The following C11orf21 variants were observed in gnomAD, a reference collection of about 807,000 sequenced individuals.
C11orf21 encodes the protein uncharacterized protein C11orf21.
Under a neutral mutation model 15.2 loss-of-function variants are expected in C11orf21, and 19 were observed. That is an observed-to-expected ratio of 1.25 (90% CI 0.87 to 1.84). C11orf21 has a LOEUF of 1.84. Among genes scored for constraint, C11orf21 ranks in the 40% most tolerant of loss-of-function variants. The pLI is 0.00. For synonymous variants in C11orf21, 62 were observed against 66.8 expected, an observed-to-expected ratio of 0.93 and a Z score of 0.35; for missense variants, 171 against 174.4, an observed-to-expected ratio of 0.98 and a Z score of 0.11.
At chr11:2,298,893 G>T (rs530798241) in intron 3 of C11orf21, among the ~76,000 whole-genome samples, 4 of 151,868 alleles carry the variant, frequency 2.6e-5, no homozygotes, top group South Asian at 2.1e-4. Context: ...AGGCTCCTTG[G>T]GGGGGGAAGC....
rs538060871 is a variant in C11orf21, at chr11:2,300,761, A to G, written c.54-148T>C. 419 of 1,550,710 alleles carry G rather than the reference A, an allele frequency of 2.7e-4. 2 individuals carry two copies. Among genetic ancestry groups the G allele is most frequent in the Admixed American group, 4.7e-4 (24 of 50,990 alleles). Reference sequence around the variant, plus strand: ...CTCCAGGGAGGTCAAGGTTGGAGAGAGACAATTCTAGGGGCGAACCAGACA... The same window carrying G: ...CTCCAGGGAGGTCAAGGTTGGAGAGGGACAATTCTAGGGGCGAACCAGACA... On this transcript the variant is annotated intron_variant, in intron 1 of 3. Transcript: ENST00000381153.
chr11:2,298,295 C>T (rs1051926270), intron 3 of C11orf21, among the ~76,000 whole-genome samples: 22 of 152,222 alleles, frequency 1.4e-4, no homozygotes, highest in African/African-American at 4.6e-4. Context: ...CGGGGTCTGG[C>T]CTGAAAGGGG....
intron 2 of C11orf21, 111 bp downstream of exon 2, chr11:2,300,409 C>T: frequency 1.4e-6 from 1 of 726,862 alleles, no homozygotes; most frequent in South Asian, 1.9e-5. Flanking sequence ...GCCACTTCCT[C>T]TTGCAGAGGG....
At chr11:2,303,084 A>G (rs1847860748), upstream of C11orf21, 8 of 784,528 alleles carry the variant, frequency 1.0e-5, no homozygotes, top group Middle Eastern at 2.9e-4. Context: ...AGAGGTGGTC[A>G]GGGGCAGGGA....
At position 2,297,032 on chromosome 11, in the gene C11orf21, C is replaced by T. The variant is rs1847540817; in HGVS notation, c.*918G>A. ...GCTGAGCCCCCACCGCACCTTCCCT[C>T]CCACCCTGGGGTCCTCAGCCTCCGC... On this transcript the variant is annotated 3_prime_UTR_variant, in exon 4 of 4. Coordinates refer to ENST00000381153, the MANE Select transcript of C11orf21 (RefSeq NM_001329958.2). The T allele has an allele frequency of 6.6e-6, 1 of 152,420 alleles. No homozygotes were observed. The highest frequency in any genetic ancestry group is 2.1e-4 in the South Asian group (1 of 4,836). 9.4% of individuals were successfully genotyped at this position (152,420 alleles called of 1,614,324 possible).
chr11:2,303,048 A>C, upstream of C11orf21: 1 of 1,222,936 alleles, frequency 8.2e-7, no homozygotes, highest in Non-Finnish European at 1.2e-6. Flanking sequence ...CACAGCCAGA[A>C]TGGTGCCAGG....
upstream of C11orf21, chr11:2,302,640 T>G: frequency 1.7e-6 from 1 of 592,850 alleles, no homozygotes; most frequent in Non-Finnish European, 3.0e-6. Context: ...GTCTACCATG[T>G]GGGGGTGCCT....
intron 2 of C11orf21, among the ~76,000 whole-genome samples, 158 bp from the exon 3 acceptor site, chr11:2,299,865 C>CACACGCATCCACGA (rs1847638811): frequency 2.8e-5 from 4 of 143,436 alleles, no homozygotes; most frequent in African/African-American, 7.4e-5. Flanking sequence ...CGCATCCATG[C>CACACGCATCCACGA]CTGCACATGC....
At chr11:2,301,442 CACG>C (rs1847741002) in intron 1 of C11orf21, 1 of 284,230 alleles carries the variant, frequency 3.5e-6, no homozygotes, top group African/African-American at 2.2e-5. Flanking sequence ...TACGTAATTA[CACG>C]GCTCGGTGTA....
upstream of C11orf21, chr11:2,302,629 C>T (rs766258112): frequency 2.6e-5 from 15 of 585,208 alleles, no homozygotes; most frequent in African/African-American, 7.5e-5. Flanking sequence ...TGCGTGTATG[C>T]GTCTACCATG....
chr11:2,303,019 C>A (rs7106334), upstream of C11orf21: 2 of 1,473,184 alleles, frequency 1.4e-6, no homozygotes, highest in Non-Finnish European at 1.9e-6. Flanking sequence ...GTGGCTGGCA[C>A]GAGCCCAGCT....
intron 2 of C11orf21, among the ~76,000 whole-genome samples, chr11:2,300,200 C>T (rs1387168951): frequency 2.0e-3 from 61 of 30,936 alleles, no homozygotes; most frequent in African/African-American, 8.2e-3. Flanking sequence ...TGGGCAGGGG[C>T]GTGTGGGGTG....
In C11orf21 at chr11:2,299,709, T is replaced by C; in HGVS notation, c.148-2A>G. On this transcript the variant is annotated splice_acceptor_variant, in intron 2 of 3. Transcript: ENST00000381153. LOFTEE classifies it high-confidence loss of function. ...TGGCATCATTGAGCCAGGGGCCTCC[T>C]GGTGGGTAAGGACATTGTAGAGTGA... 1 of 1,550,808 alleles carries C rather than the reference T, an allele frequency of 6.4e-7. No individual in the cohort carries two copies. Among genetic ancestry groups the C allele is most frequent in the South Asian group, 1.2e-5 (1 of 84,050 alleles).
At position 2,299,707 on chromosome 11, in the gene C11orf21, C is replaced by T. The variant is rs749697230; in HGVS notation, c.148G>A (p.Glu50Lys). The T allele has an allele frequency of 1.5e-4, 235 of 1,550,786 alleles. No homozygotes were observed. Among genetic ancestry groups the T allele is most frequent in the Non-Finnish European group, 2.0e-4 (224 of 1,146,842 alleles). ...GTPGWPSRDQ[E>K]APGSMMPPAA... ...GGTGGCATCATTGAGCCAGGGGCCT[C>T]CTGGTGGGTAAGGACATTGTAGAGT... is the stretch of plus-strand genomic sequence containing the variant. The change falls in exon 3 of 4, where the codon GAG becomes AAG. Residue 50 changes from glutamate to lysine, a missense_variant and splice_region_variant. Physicochemically the swap from Glu to Lys is moderately conservative, Grantham distance 56. Coordinates refer to ENST00000381153, the MANE Select transcript of C11orf21 (RefSeq NM_001329958.2).
Position 2,297,695 on chromosome 11 carries a change from T to C in C11orf21, c.*255A>G. ...CCAGAGCTGTTTAGTAGACATGAGG[T>C]GAGTGAATGAATGAATGAATGAATG... On this transcript the variant is annotated 3_prime_UTR_variant, in exon 4 of 4. Transcript: ENST00000381153. 1 of 152,118 alleles carries C rather than the reference T, an allele frequency of 6.6e-6. No individual in the cohort carries two copies. The highest frequency in any genetic ancestry group is 1.9e-4 in the East Asian group (1 of 5,190). The allele number at this position is 152,118 out of a possible 1,614,324, so 9.4% of individuals were successfully genotyped here. A position where few individuals can be genotyped will look rare whatever the true frequency, so the allele number is the denominator to read the frequency against.
Position 2,296,265 on chromosome 11 carries a change from C to T in C11orf21, c.*1685G>A, listed in dbSNP as rs1426468888. On this transcript the variant is annotated 3_prime_UTR_variant, in exon 4 of 4. Transcript: ENST00000381153. This position sits in a 1 kb window ranked among gnomAD's most constrained non-coding sequence, Gnocchi z 5.6. Reference sequence around the variant, plus strand: ...ACCTGGCCTTTCCCAGCATAGTAGCCCCCACCCTCAGGTCAGGGAACAAAT... The same window carrying T: ...ACCTGGCCTTTCCCAGCATAGTAGCTCCCACCCTCAGGTCAGGGAACAAAT... 6.6e-6 allele frequency: 1 copy of T among 152,170 alleles called. No individual in the cohort carries two copies. The allele number at this position is 152,170 out of a possible 1,614,324, so 9.4% of individuals were successfully genotyped here.
At chr11:2,303,051 G>C (rs1847858597), upstream of C11orf21, 1 of 1,201,388 alleles carries the variant, frequency 8.3e-7, no homozygotes. Context: ...AGCCAGAATG[G>C]TGCCAGGCCC....
upstream of C11orf21, chr11:2,302,745 C>T (rs996545623): frequency 4.0e-5 from 38 of 940,524 alleles, no homozygotes; most frequent in African/African-American, 1.3e-4. Context: ...CTCACGGGAC[C>T]GGGAAGCTGG....
chr11:2,302,860 T>A, upstream of C11orf21: 1 of 1,613,528 alleles, frequency 6.2e-7, no homozygotes, highest in Non-Finnish European at 8.5e-7. Flanking sequence ...GGCCTCTCTG[T>A]GGCCACCATG....
Sources: allele counts gnomAD v4.1 joint callset (sites outside exome capture counted in the v4.1 genomes callset), GRCh38; gene constraint gnomAD v4.1.1; non-coding constraint Gnocchi (gnomAD v3.1); transcripts MANE v1.5; gene names NCBI Gene and HGNC (gene_info 2026-07-23, HGNC 2026-07-21).